AGRN: variants seen among roughly 807,000 people sequenced by gnomAD.
AGRN encodes agrin, also known as agrin proteoglycan.
Under a neutral mutation model 211.0 loss-of-function variants are expected in AGRN, and 106 were observed. The ratio of observed to expected loss-of-function variants is 0.50; its 90% CI spans 0.43 to 0.59. AGRN has a LOEUF of 0.59. Ranked by LOEUF, AGRN falls within the 20% of genes least tolerant of loss-of-function variation. AGRN has a pLI of 0.00. For missense variants in AGRN, 3,040 were observed against 2,982.6 expected (o/e 1.02, Z -0.45); for synonymous variants, 1,525 against 1,332.5 (o/e 1.14, Z -3.15).
At chr1:1,039,209 G>A (rs1644870132) in intron 3 of AGRN, among the ~76,000 whole-genome samples, 1 of 152,154 alleles carries the variant, frequency 6.6e-6, no homozygotes, top group Non-Finnish European at 1.5e-5. Flanking sequence ...AGGGGTGGGG[G>A]CACAGCCAAG....
In AGRN at chr1:1,043,742, G is replaced by A. The variant is rs1481969362; in HGVS notation, c.1798+10G>A. 2 of 1,601,676 alleles carry A rather than the reference G, an allele frequency of 1.2e-6. No individual in the cohort carries two copies. The highest frequency in any genetic ancestry group is 4.5e-5 in the East Asian group (2 of 44,870). ...TCAGCTGGACCCTGTGGTGAGTGAG[G>A]CCCTGGGGCCGGGCGGGCCAGGGTC... On this transcript the variant is annotated intron_variant, in intron 9 of 35. Coordinates refer to ENST00000379370, the MANE Select transcript of AGRN (RefSeq NM_198576.4).
Position 1,051,794 on chromosome 1 carries a change from A to G in AGRN, c.5630A>G (p.Tyr1877Cys). ...TTTGACGGGCGGACCTTTGTCGAGT[A>G]CCTCAACGCTGTGACCGAGAGGTAA... The part of the protein sequence containing the change: ...LAFDGRTFVE[Y>C]LNAVTESEKA... The change falls in exon 33 of 36, where the codon TAC becomes TGC. Residue 1877 changes from tyrosine to cysteine, a missense_variant. Tyr to Cys is a radical substitution (Grantham distance 194). This residue lies in a region of AGRN where 1,537 missense variants were observed against 1,505.0 expected (regional missense o/e 1.02). Transcript: ENST00000379370. 2 of 1,613,692 alleles carry G rather than the reference A, an allele frequency of 1.2e-6. No homozygotes were observed. The highest frequency in any genetic ancestry group is 1.7e-6 in the Non-Finnish European group (2 of 1,179,952).
In AGRN at chr1:1,046,545, C is replaced by G. The variant is rs755135294; in HGVS notation, c.3060C>G (p.Pro1020=). The G allele has an allele frequency of 1.5e-5, 24 of 1,610,602 alleles. No individual in the cohort carries two copies. Among genetic ancestry groups the G allele is most frequent in the African/African-American group, 4.0e-5 (3 of 74,886 alleles). Residue 1020 remains proline (P), a synonymous_variant, in exon 18 of 36, where the codon CCC becomes CCG. Coordinates refer to ENST00000379370, the MANE Select transcript of AGRN (RefSeq NM_198576.4). ...STAHSQTTPP[P]SSRPRTTASV... Reference sequence around the variant, plus strand: ...CACACAGCCAGACCACCCCTCCGCCCTCATCACGACCTCGGACCACTGCCA... The same window carrying G: ...CACACAGCCAGACCACCCCTCCGCCGTCATCACGACCTCGGACCACTGCCA...
chr1:1,046,762 G>T, intron 18 of AGRN, 27 bp downstream of exon 18: 1 of 1,574,732 alleles, frequency 6.4e-7, no homozygotes, highest in East Asian at 2.3e-5. Flanking sequence ...GACTTGGGGT[G>T]GGTGGGCAGG....
Position 1,047,356 on chromosome 1 carries a change from C to T in AGRN, c.3418C>T (p.Leu1140=), listed in dbSNP as rs1170752253. ...ATKVFQGVLE[L]EGVEGQELFY... is the part of the protein sequence containing the mutation. ...CAAGGTGTTCCAGGGCGTCCTGGAGCTGGAGGGCGTCGAGGGCCAGGAGCT... is the reference window on the plus strand; with the variant it reads ...CAAGGTGTTCCAGGGCGTCCTGGAGTTGGAGGGCGTCGAGGGCCAGGAGCT... The change falls in exon 20 of 36, where the codon CTG becomes TTG. Residue 1140 remains leucine (L), a synonymous_variant. Coordinates refer to ENST00000379370, the MANE Select transcript of AGRN (RefSeq NM_198576.4). 8.1e-6 allele frequency: 13 copies of T among 1,608,808 alleles called. No individual in the cohort carries two copies. The highest frequency in any genetic ancestry group is 1.1e-5 in the Non-Finnish European group (13 of 1,177,646).
In AGRN at chr1:1,047,311, T is replaced by C. The variant is rs1277883546; in HGVS notation, c.3389-16T>C. On this transcript the variant is annotated splice_polypyrimidine_tract_variant and intron_variant, in intron 19 of 35. Transcript: ENST00000379370. ...AGGCAGATGCCAGGCAGGGCCTCAC[T>C]GTACCTCCCCCACAGCCACCAAGGT... 2.5e-6 allele frequency: 4 copies of C among 1,590,026 alleles called. No homozygotes were observed. The highest frequency in any genetic ancestry group is 2.2e-5 in the East Asian group (1 of 44,632).
intron 3 of AGRN, 128 bp downstream of exon 3, chr1:1,035,452 C>T (rs1644781183): frequency 4.6e-6 from 6 of 1,291,822 alleles, no homozygotes; most frequent in Non-Finnish European, 6.7e-6. Context: ...ACAAGGGCAC[C>T]TGCGTCTGTC....
intron 7 of AGRN, 98 bp downstream of exon 7, chr1:1,042,260 G>T (rs1490402207): frequency 7.1e-7 from 1 of 1,414,724 alleles, no homozygotes; most frequent in Admixed American, 2.2e-5. Context: ...TGTTCCTCTT[G>T]GGGTCCTGGG....
chr1:1,040,670 CG>C lies in AGRN; in HGVS notation c.521del (p.Gly174GlufsTer78). ...TTCTCCCCTACCCGCCCCAGCGTGC[CG>C]GGGAATGCTGTGCGGCTTCGGCGCC... ...PVPPTPPDACRGMLCGFGAVC... is the reference protein window; with the variant it reads ...PVPPTPPDACXGMLCGFGAVC... On this transcript the variant is annotated frameshift_variant, in exon 4 of 36. Transcript: ENST00000379370. LOFTEE classifies it high-confidence loss of function. 1 of 1,547,334 alleles carries C rather than the reference CG, an allele frequency of 6.5e-7. No homozygotes were observed. The highest frequency in any genetic ancestry group is 8.7e-7 in the Non-Finnish European group (1 of 1,146,312).
Position 1,041,190 on chromosome 1 carries a change from T to C in AGRN, c.745T>C (p.Ser249Pro). The C allele has an allele frequency of 6.9e-7, 1 of 1,452,712 alleles. No individual in the cohort carries two copies. Among genetic ancestry groups the C allele is most frequent in the Non-Finnish European group, 9.0e-7 (1 of 1,107,622 alleles). The allele number at this position is 1,452,712 out of a possible 1,614,324, so 90.0% of individuals were successfully genotyped here. ...RGPCGSRDPC[S>P]NVTCSFGSTC... ...GCCCGCAGGCTCGCGGGACCCCTGC[T>C]CCAACGTGACCTGCAGCTTCGGCAG... is the stretch of plus-strand genomic sequence containing the variant. Residue 249 changes from serine (S) to proline (P), a missense_variant, in exon 5 of 36, where the codon TCC becomes CCC. This residue lies in a region of AGRN where 1,498 missense variants were observed against 1,457.8 expected (regional missense o/e 1.03). Coordinates refer to ENST00000379370, the MANE Select transcript of AGRN (RefSeq NM_198576.4).
rs1029161610 is a variant in AGRN at position 1,048,295 on chromosome 1, G to C, written c.4035G>C (p.Gln1345His). Residue 1345 changes from glutamine to histidine, a missense_variant, in exon 23 of 36, where the codon CAG (glutamine) becomes CAC (histidine). Gln to His is a conservative substitution (Grantham distance 24, BLOSUM62 0). Transcript: ENST00000379370. The surrounding 1 kb of genome is among the most constrained non-coding windows in gnomAD (Gnocchi z 5.9). ...SQPCFHGGTC[Q>H]DWALGGGFTC... ...CCTGCTTCCACGGGGGGACCTGCCA[G>C]GACTGGGCATTGGGCGGGGGCTTCA... 3.3e-6 allele frequency: 5 copies of C among 1,511,362 alleles called. No homozygotes were observed. The South Asian group carries it at 6.6e-5, about 20-fold the overall frequency. 93.6% of individuals were successfully genotyped at this position (1,511,362 alleles called of 1,614,324 possible). A position where few individuals can be genotyped will look rare whatever the true frequency, so the allele number is the denominator to read the frequency against.
In AGRN at chr1:1,055,254, T is replaced by C. The variant is rs1011196079; in HGVS notation, c.*273T>C. The C allele has an allele frequency of 4.3e-5, 22 of 508,996 alleles. No homozygotes were observed. Among genetic ancestry groups the C allele is most frequent in the Middle Eastern group, 5.5e-4 (1 of 1,818 alleles). The allele number at this position is 508,996 out of a possible 1,614,324, so 31.5% of individuals were successfully genotyped here. On this transcript the variant is annotated 3_prime_UTR_variant, in exon 36 of 36. Transcript: ENST00000379370. ...GCCTTGCACTGCGCCTGCCCCACGGTGTCCCCGCCGGGAAGCAGCCCCGGC... is the reference window on the plus strand; with the variant it reads ...GCCTTGCACTGCGCCTGCCCCACGGCGTCCCCGCCGGGAAGCAGCCCCGGC...
In AGRN at chr1:1,042,015, C is replaced by T. The variant is rs1205781353; in HGVS notation, c.1237C>T (p.Arg413Cys). ...AVCLSRRGRP[R>C]CSCDRVTCDG... ...GTGCCTGTCCCGCCGTGGCCGTCCC[C>T]GCTGCTCCTGCGACCGCGTCACCTG... Residue 413 changes from arginine to cysteine, a missense_variant, in exon 7 of 36, where the codon CGC becomes TGC. By Grantham distance (180) the Arg-to-Cys change is radical. Coordinates refer to ENST00000379370, the MANE Select transcript of AGRN (RefSeq NM_198576.4). 8.7e-6 allele frequency: 14 copies of T among 1,611,098 alleles called. No individual in the cohort carries two copies. Among genetic ancestry groups the T allele is most frequent in the East Asian group, 2.2e-5 (1 of 44,858 alleles).
Position 1,047,404 on chromosome 1 carries a change from G to A in AGRN, c.3466G>A (p.Asp1156Asn). The A allele has an allele frequency of 3.1e-6, 5 of 1,612,502 alleles. No homozygotes were observed. Among genetic ancestry groups the A allele is most frequent in the Non-Finnish European group, 4.2e-6 (5 of 1,179,662 alleles). ...QELFYTPEMA[D>N]PKSELFGETA... ...GCTGTTCTACACGCCCGAGATGGCTGACCCCAAGTCAGAACTGTTCGGGGA... is the reference window on the plus strand; with the variant it reads ...GCTGTTCTACACGCCCGAGATGGCTAACCCCAAGTCAGAACTGTTCGGGGA... The change falls in exon 20 of 36, where the codon GAC becomes AAC. Residue 1156 changes from aspartate (D) to asparagine (N), a missense_variant. By Grantham distance (23) the Asp-to-Asn change is conservative. Coordinates refer to ENST00000379370, the MANE Select transcript of AGRN (RefSeq NM_198576.4).
rs1557714705 is a variant in AGRN, at chr1:1,048,233, GC to G, written c.3979del (p.Gln1327SerfsTer100). ...CCGTGTGCCCGGACGTCGGCCCCCG[GC>G]CCCCCAGCAGCCTCCAAAGCCCTGT... ...PSRVPGRRPP[A>X]PQQPPKPCDS... On this transcript the variant is annotated frameshift_variant, in exon 23 of 36. Coordinates refer to ENST00000379370, the MANE Select transcript of AGRN (RefSeq NM_198576.4). LOFTEE classifies it high-confidence loss of function. The surrounding 1 kb of genome is among the most constrained non-coding windows in gnomAD (Gnocchi z 5.9). 2.6e-6 allele frequency: 4 copies of G among 1,545,078 alleles called. No individual in the cohort carries two copies. The highest frequency in any genetic ancestry group is 1.4e-5 in the African/African-American group (1 of 73,308).
At chr1:1,021,300 G>T (rs1438032294) in intron 1 of AGRN, among the ~76,000 whole-genome samples, 2 of 152,190 alleles carry the variant, frequency 1.3e-5, no homozygotes, top group Non-Finnish European at 2.9e-5. Context: ...TGGGGTGGGG[G>T]AAGGCGATGA....
At position 1,035,248 on chromosome 1, in the gene AGRN, G is replaced by T. The variant is rs372229871; in HGVS notation, c.464-29G>T. 6.2e-6 allele frequency: 10 copies of T among 1,612,536 alleles called. No individual in the cohort carries two copies. The Middle Eastern group carries it at 1.7e-3, about 266-fold the overall frequency. On this transcript the variant is annotated intron_variant, in intron 2 of 35. Transcript: ENST00000379370. ...GACAGGGAGGAGCCTGCTCAGAGGA[G>T]CCTAACTTGGGGATTTGTTTTCTTC...
At position 1,041,254 on chromosome 1, in the gene AGRN, G is replaced by T; in HGVS notation, c.809G>T (p.Cys270Phe). 1 of 1,500,714 alleles carries T rather than the reference G, an allele frequency of 6.7e-7. No individual in the cohort carries two copies. 93.0% of individuals were successfully genotyped at this position (1,500,714 alleles called of 1,614,324 possible). A position where few individuals can be genotyped will look rare whatever the true frequency, so the allele number is the denominator to read the frequency against. Residue 270 changes from cysteine (C) to phenylalanine (F), a missense_variant, in exon 5 of 36, where the codon TGC (cysteine) becomes TTC (phenylalanine). Cys to Phe is a radical substitution (Grantham distance 205). Around this residue, in one of 3 missense-constraint regions of AGRN, gnomAD observed 1,498 missense variants for 1,457.8 expected, o/e 1.03. Transcript: ENST00000379370. ...TCGGCCGACGGGCTGACGGCCTCGT[G>T]CCTGTGCCCCGCGACCTGCCGTGGC... ...ARSADGLTAS[C>F]LCPATCRGAP...
intron 34 of AGRN, among the ~76,000 whole-genome samples, chr1:1,054,186 G>T (rs1160540372): frequency 6.6e-6 from 1 of 152,256 alleles, no homozygotes; most frequent in Non-Finnish European, 1.5e-5. Flanking sequence ...TCCCGGCCCT[G>T]CCCGGAGCCT....
Sources: gnomAD v4.1 joint callset for allele counts (sites outside exome capture counted in the v4.1 genomes callset) on GRCh38, gnomAD v4.1.1 for gene constraint, gnomAD v4.1.1 regional missense constraint, Gnocchi (gnomAD v3.1) non-coding constraint, MANE v1.5 for transcripts, NCBI Gene and HGNC (gene_info 2026-07-23, HGNC 2026-07-21) for gene names.